TRIM22: variants seen among roughly 807,000 people sequenced by gnomAD.
TRIM22 encodes the protein E3 ubiquitin-protein ligase TRIM22.
Under a neutral mutation model 53.6 loss-of-function variants are expected in TRIM22, and 45 were observed. The ratio of observed to expected loss-of-function variants is 0.84; its 90% CI spans 0.66 to 1.08. The LOEUF is 1.08. TRIM22 is among the 50% of genes least tolerant of loss of function. TRIM22 has a pLI of 0.00. For synonymous variants in TRIM22, 225 were observed against 216.6 expected (o/e 1.04, Z -0.34); for missense variants, 616 against 590.9 (o/e 1.04, Z -0.44).
chr11:5,700,900 C>T (rs1853364295), intron 4 of TRIM22, among the ~76,000 whole-genome samples: 1 of 151,188 alleles, frequency 6.6e-6, no homozygotes, highest in Non-Finnish European at 1.5e-5. Flanking sequence ...TCCTAGTTTG[C>T]TGAGACTTTT....
chr11:5,702,110 CTA>C (rs1853382205), intron 4 of TRIM22, among the ~76,000 whole-genome samples: 1 of 144,684 alleles, frequency 6.9e-6, no homozygotes, highest in African/African-American at 2.5e-5. Context: ...ATATACATAA[CTA>C]ATATATATTA....
At chr11:5,690,208 C>T (rs773617607) in intron 1 of TRIM22, among the ~76,000 whole-genome samples, 4 of 152,146 alleles carry the variant, frequency 2.6e-5, no homozygotes, top group Non-Finnish European at 4.4e-5. Context: ...TTAAGGGAGA[C>T]GAGCACTCAA....
chr11:5,699,724 C>CTT (rs71053299), intron 4 of TRIM22, among the ~76,000 whole-genome samples: 27 of 134,524 alleles, frequency 2.0e-4, no homozygotes, highest in African/African-American at 6.8e-4. Context: ...TGATTATTTC[C>CTT]TTTTTTTTTT....
rs985755966 is a variant in TRIM22 at position 5,709,196 on chromosome 11, T to C, written c.1045T>C (p.Tyr349His). 2.5e-6 allele frequency: 4 copies of C among 1,614,218 alleles called. No homozygotes were observed. Among genetic ancestry groups the C allele is most frequent in the Non-Finnish European group, 3.4e-6 (4 of 1,180,042 alleles). ...FSAFGVFGCQ[Y>H]FSSGKYYWEV... ...TGCTTTTGGTGTCTTCGGCTGCCAA[T>C]ATTTCTCTTCGGGGAAATATTACTG... The change falls in exon 8 of 8, where the codon TAT (tyrosine) becomes CAT (histidine). Residue 349 changes from tyrosine (Y) to histidine (H), a missense_variant. By Grantham distance (83) the Tyr-to-His change is moderately conservative. Coordinates refer to ENST00000379965, the MANE Select transcript of TRIM22 (RefSeq NM_006074.5).
In TRIM22 at chr11:5,698,564, C is replaced by T. The variant is rs551705630; in HGVS notation, c.750+19C>T. 12 of 1,587,102 alleles carry T rather than the reference C, an allele frequency of 7.6e-6. No homozygotes were observed. Among genetic ancestry groups the T allele is most frequent in the Admixed American group, 1.7e-5 (1 of 58,378 alleles). On this transcript the variant is annotated intron_variant, in intron 4 of 7. Coordinates refer to ENST00000379965, the MANE Select transcript of TRIM22 (RefSeq NM_006074.5). Reference sequence around the variant, plus strand: ...GCTGCAGGTAAGACTTGGGATGGAGCACCTACGTAAGAGATTAGGGGAAAA... The same window carrying T: ...GCTGCAGGTAAGACTTGGGATGGAGTACCTACGTAAGAGATTAGGGGAAAA...
intron 4 of TRIM22, among the ~76,000 whole-genome samples, chr11:5,701,491 G>A (rs548176603): frequency 8.1e-4 from 123 of 152,282 alleles, no homozygotes; most frequent in Non-Finnish European, 1.6e-3. Context: ...ATGTGTTATA[G>A]CTTGGTTAAT....
At chr11:5,701,720 G>A (rs1301035541) in intron 4 of TRIM22, among the ~76,000 whole-genome samples, 2 of 152,074 alleles carry the variant, frequency 1.3e-5, no homozygotes, top group African/African-American at 4.8e-5. Context: ...CAAAATCAAT[G>A]TACCAGCAAC....
At chr11:5,706,562 A>G (rs1853459109) in intron 4 of TRIM22, 32 bp from the exon 5 acceptor site, 1 of 1,610,774 alleles carries the variant, frequency 6.2e-7, no homozygotes, top group Non-Finnish European at 8.5e-7. Context: ...TGGCAACCCT[A>G]TCTTGACTCA....
chr11:5,693,192 T>A (rs1358316039), intron 1 of TRIM22, among the ~76,000 whole-genome samples: 1 of 41,154 alleles, frequency 2.4e-5, no homozygotes, highest in Non-Finnish European at 7.2e-5. Context: ...TGGCCATCTT[T>A]TTTTTTTTTT....
In TRIM22 at chr11:5,709,703, A is replaced by G; in HGVS notation, c.*55A>G. ...TAGTAGCCCTTGTGCTGAGACTCAG[A>G]TTCTGCACCTGAGTTCATCTCTACT... On this transcript the variant is annotated 3_prime_UTR_variant, in exon 8 of 8. Coordinates refer to ENST00000379965, the MANE Select transcript of TRIM22 (RefSeq NM_006074.5). The G allele has an allele frequency of 7.0e-7, 1 of 1,430,626 alleles. No homozygotes were observed. The highest frequency in any genetic ancestry group is 9.6e-7 in the Non-Finnish European group (1 of 1,044,268). The allele number at this position is 1,430,626 out of a possible 1,614,324, so 88.6% of individuals were successfully genotyped here. A position where few individuals can be genotyped will look rare whatever the true frequency, so the allele number is the denominator to read the frequency against.
At chr11:5,693,596 G>A (rs962792722) in intron 1 of TRIM22, among the ~76,000 whole-genome samples, 3 of 151,568 alleles carry the variant, frequency 2.0e-5, no homozygotes, top group African/African-American at 7.3e-5. Flanking sequence ...GGTGGCGGGC[G>A]CCTGTAGTCC....
At chr11:5,697,638 A>G in intron 3 of TRIM22, 1 of 321,350 alleles carries the variant, frequency 3.1e-6, no homozygotes, top group Non-Finnish European at 5.7e-6. Context: ...CAATCCTTCC[A>G]GTAAACACCC....
At chr11:5,693,177 G>A (rs1853202355) in intron 1 of TRIM22, among the ~76,000 whole-genome samples, 1 of 141,428 alleles carries the variant, frequency 7.1e-6, no homozygotes, top group South Asian at 2.4e-4. Context: ...TTGAGCCACA[G>A]CGCCTGGCCA....
chr11:5,696,890 G>T, intron 2 of TRIM22: 1 of 540,800 alleles, frequency 1.8e-6, no homozygotes, highest in East Asian at 3.0e-5. Flanking sequence ...ATGGAGAATT[G>T]CTTTGTAAGA....
chr11:5,708,248 G>A lies in TRIM22; in HGVS notation c.849G>A (p.Leu283=), dbSNP rs750679722. The A allele has an allele frequency of 1.2e-5, 19 of 1,614,156 alleles. 1 individual carries two copies. The South Asian group carries it at 1.6e-4, about 14-fold the overall frequency. Reference sequence around the variant, plus strand: ...AGAGTGTATTCCGAGTACCAGATCTGAGTGGGATGCTGCAAGTTCTTAAAG... The same window carrying A: ...AGAGTGTATTCCGAGTACCAGATCTAAGTGGGATGCTGCAAGTTCTTAAAG... The part of the protein sequence containing the change: ...KLKSVFRVPD[L]SGMLQVLKEL... Residue 283 remains leucine, a synonymous_variant, in exon 6 of 8, where the codon CTG becomes CTA. Coordinates refer to ENST00000379965, the MANE Select transcript of TRIM22 (RefSeq NM_006074.5).
chr11:5,705,240 T>C (rs1018785828), intron 4 of TRIM22, among the ~76,000 whole-genome samples: 2 of 152,210 alleles, frequency 1.3e-5, no homozygotes, highest in Non-Finnish European at 2.9e-5. Context: ...CTTAGAATTT[T>C]ACTGTCATGA....
At chr11:5,695,237 T>C (rs775132679) in intron 1 of TRIM22, among the ~76,000 whole-genome samples, 2 of 152,186 alleles carry the variant, frequency 1.3e-5, no homozygotes, top group African/African-American at 2.4e-5. Flanking sequence ...TAAATTATAG[T>C]ATGTCCTTCT....
chr11:5,707,970 A>C (rs1352065601), intron 5 of TRIM22, among the ~76,000 whole-genome samples: 1 of 152,170 alleles, frequency 6.6e-6, no homozygotes, highest in African/African-American at 2.4e-5. Context: ...CACAGAGGGG[A>C]AGACCTTCCC....
At chr11:5,708,007 G>A (rs1374803608) in intron 5 of TRIM22, among the ~76,000 whole-genome samples, 166 bp from the exon 6 acceptor site, 3 of 152,174 alleles carry the variant, frequency 2.0e-5, no homozygotes, top group Non-Finnish European at 4.4e-5. Context: ...AGGTAGACAT[G>A]AGCACATTTC....
Sources: allele counts gnomAD v4.1 joint callset (sites outside exome capture counted in the v4.1 genomes callset), GRCh38; gene constraint gnomAD v4.1.1; transcripts MANE v1.5; gene names NCBI Gene and HGNC (gene_info 2026-07-23, HGNC 2026-07-21).